The following ALK variants were observed in gnomAD, a reference collection of about 807,000 sequenced individuals.
ALK encodes the protein ALK tyrosine kinase receptor.
ALK carries 74 observed loss-of-function variants against 163.1 expected under a neutral mutation model. The ratio of observed to expected loss-of-function variants is 0.45; its 90% CI spans 0.38 to 0.55. The LOEUF is 0.55. Ranked by LOEUF, ALK falls within the 20% of genes least tolerant of loss-of-function variation. ALK has a pLI of 0.00. For missense variants in ALK, 2,063 were observed against 2,105.3 expected, an observed-to-expected ratio of 0.98 and a Z score of 0.39; for synonymous variants, 960 against 843.2, an observed-to-expected ratio of 1.14 and a Z score of -2.40.
chr2:29,366,769 TTATC>T (rs1354441534), intron 5 of ALK, among the ~76,000 whole-genome samples: 1 of 152,234 alleles, frequency 6.6e-6, no homozygotes, highest in Non-Finnish European at 1.5e-5. Flanking sequence ...AATTATCTGA[TTATC>T]TATCCAAAAG....
In ALK at chr2:29,760,775, C is replaced by T. The variant is rs551076534; in HGVS notation, c.668-43078G>A. 7.2e-5 allele frequency among the ~76,000 whole-genome samples: 11 copies of T among 152,276 alleles called. No individual in the cohort carries two copies. The East Asian group carries it at 1.9e-3, about 27-fold the overall frequency. ...GAGTATTTGAAACTCTGGAACCCAACCATGCAGAGAACTTTGCAGACAACT... is the reference window on the plus strand; with the variant it reads ...GAGTATTTGAAACTCTGGAACCCAATCATGCAGAGAACTTTGCAGACAACT... On this transcript the variant is annotated intron_variant, in intron 1 of 28. Transcript: ENST00000389048.
At chr2:29,431,821 G>A (rs533570296) in intron 4 of ALK, among the ~76,000 whole-genome samples, 1 of 152,210 alleles carries the variant, frequency 6.6e-6, no homozygotes, top group Admixed American at 6.5e-5. Flanking sequence ...AAACAAATAG[G>A]ATTGAGGGCC....
At chr2:29,665,704 A>G (rs1366342780) in intron 3 of ALK, among the ~76,000 whole-genome samples, 4 of 152,092 alleles carry the variant, frequency 2.6e-5, no homozygotes, top group African/African-American at 7.2e-5. Context: ...ATCATTCAGA[A>G]TTAGAGTTGA....
chr2:29,539,386 A>G (rs1445808956), intron 3 of ALK, among the ~76,000 whole-genome samples: 1 of 152,128 alleles, frequency 6.6e-6, no homozygotes, highest in Non-Finnish European at 1.5e-5. Context: ...TATCAGCAAT[A>G]ATTAAGATTA....
chr2:29,348,444 C>T (rs1456841328), intron 5 of ALK, among the ~76,000 whole-genome samples: 2 of 152,210 alleles, frequency 1.3e-5, no homozygotes, highest in East Asian at 1.9e-4. Flanking sequence ...CTTGGACAAA[C>T]AGGTTGGTAG....
chr2:29,801,167 T>C (rs1157992590), intron 1 of ALK, among the ~76,000 whole-genome samples: 1 of 152,174 alleles, frequency 6.6e-6, no homozygotes, highest in African/African-American at 2.4e-5. Context: ...AAAGAAAAGC[T>C]ATGCATAATA....
At chr2:29,908,895 C>A (rs778016851) in intron 1 of ALK, among the ~76,000 whole-genome samples, 1 of 152,192 alleles carries the variant, frequency 6.6e-6, no homozygotes, top group Non-Finnish European at 1.5e-5. Flanking sequence ...AGTTTGTGAA[C>A]TCCTGGGAGG....
At chr2:29,551,797 T>C (rs1673722019) in intron 3 of ALK, among the ~76,000 whole-genome samples, 2 of 152,134 alleles carry the variant, frequency 1.3e-5, no homozygotes, top group African/African-American at 2.4e-5. Context: ...TTCTTTACAC[T>C]TTCTTGAATT....
intron 8 of ALK, among the ~76,000 whole-genome samples, chr2:29,315,332 T>C (rs1482479881): frequency 1.3e-5 from 2 of 152,150 alleles, no homozygotes; most frequent in African/African-American, 2.4e-5. Flanking sequence ...AGGCACACTG[T>C]GGCTATGCCT....
At chr2:29,596,417 C>G (rs1281374894) in intron 3 of ALK, among the ~76,000 whole-genome samples, 2 of 152,226 alleles carry the variant, frequency 1.3e-5, no homozygotes, top group African/African-American at 4.8e-5. Context: ...ATGTCCAAAA[C>G]AAATCACCCT....
chr2:29,337,049 C>T lies in ALK; in HGVS notation c.1283-8568G>A, dbSNP rs1573249981. On this transcript the variant is annotated intron_variant, in intron 5 of 28. Coordinates refer to ENST00000389048, the MANE Select transcript of ALK (RefSeq NM_004304.5). The stretch of plus-strand genomic sequence containing the variant: ...ACTAGGAAAATCAGGCTCTCAACAG[C>T]CTCAAGACATGAAAATGGATGGTGA... Among the ~76,000 whole-genome samples, 3 of 152,194 alleles carry T rather than the reference C, an allele frequency of 2.0e-5. 1 individual carries two copies. Among genetic ancestry groups the T allele is most frequent in the Admixed American group, 2.0e-4 (3 of 15,274 alleles).
At chr2:29,239,896 C>A (rs1664480089) in intron 12 of ALK, 66 bp from the exon 13 acceptor site, 13 of 1,560,084 alleles carry the variant, frequency 8.3e-6, no homozygotes, top group Admixed American at 5.2e-5. Context: ...CCTGCCAACC[C>A]AGCAGCTTCC....
intron 13 of ALK, among the ~76,000 whole-genome samples, chr2:29,235,273 A>T (rs1480895839): frequency 6.6e-6 from 1 of 152,192 alleles, no homozygotes; most frequent in Non-Finnish European, 1.5e-5. Flanking sequence ...GTAAAACATC[A>T]CATTTCCATC....
chr2:29,905,731 C>T (rs544945461), intron 1 of ALK, among the ~76,000 whole-genome samples: 3 of 152,180 alleles, frequency 2.0e-5, no homozygotes, highest in South Asian at 2.1e-4. Context: ...TTGTGCTTTC[C>T]CCCTTGGCTG....
chr2:29,793,330 C>T (rs989295857), intron 1 of ALK, among the ~76,000 whole-genome samples: 26 of 152,272 alleles, frequency 1.7e-4, no homozygotes, highest in Middle Eastern at 3.4e-3. Context: ...CTGCCTCCAA[C>T]GAAGACTCTA....
intron 1 of ALK, among the ~76,000 whole-genome samples, chr2:29,771,032 AAC>A (rs1315702994): frequency 2.6e-5 from 4 of 151,742 alleles, no homozygotes; most frequent in African/African-American, 7.3e-5. Context: ...CACAAACACA[AAC>A]ACATACATGC....
chr2:29,480,348 G>A lies in ALK; in HGVS notation c.1154+51567C>T, dbSNP rs1035101520. Among the ~76,000 whole-genome samples the A allele has an allele frequency of 3.9e-5, 6 of 152,278 alleles. No individual in the cohort carries two copies. In the East Asian group the frequency reaches 1.2e-3, roughly 29 times the overall value. ...ATATCTGCTAATTCTAAGTGGTGGG[G>A]ATGGAGCTGTTTGTAATATTTGTGA... is the stretch of plus-strand genomic sequence containing the variant. On this transcript the variant is annotated intron_variant, in intron 4 of 28. Transcript: ENST00000389048.
intron 4 of ALK, among the ~76,000 whole-genome samples, chr2:29,416,235 G>A (rs1669873985): frequency 6.6e-6 from 1 of 152,218 alleles, no homozygotes; most frequent in Admixed American, 6.5e-5. Context: ...GGGTTGGATG[G>A]GCACAGAGAC....
rs1239004394 is a variant in ALK, at chr2:29,920,480, C to T, written c.180G>A (p.Val60=). The T allele has an allele frequency of 6.2e-7, 1 of 1,613,028 alleles. No individual in the cohort carries two copies. Among genetic ancestry groups the T allele is most frequent in the Non-Finnish European group, 8.5e-7 (1 of 1,179,648 alleles). The part of the protein sequence containing the change: ...QRKSLAVDFV[V]PSLFRVYARD... ...GGGCGTAGACACGGAAGAGCGAGGG[C>T]ACCACGAAGTCAACTGCCAGACTCT... The change falls in exon 1 of 29, where the codon GTG becomes GTA. Residue 60 remains valine, a synonymous_variant. Coordinates refer to ENST00000389048, the MANE Select transcript of ALK (RefSeq NM_004304.5).
Sources: allele counts gnomAD v4.1 joint callset (sites outside exome capture counted in the v4.1 genomes callset), GRCh38; gene constraint gnomAD v4.1.1; transcripts MANE v1.5; gene names NCBI Gene and HGNC (gene_info 2026-07-23, HGNC 2026-07-21).